The following WWOX variants were observed in gnomAD, a reference collection of about 807,000 sequenced individuals.
WWOX encodes the protein WW domain containing oxidoreductase.
WWOX carries 69 observed loss-of-function variants against 46.2 expected under a neutral mutation model. The ratio of observed to expected loss-of-function variants is 1.49; its 90% CI spans 1.23 to 1.82. WWOX has a LOEUF of 1.82. WWOX is among the 40% of genes most tolerant of loss of function. WWOX has a pLI of 0.00. For missense variants in WWOX, 919 were observed against 542.6 expected (o/e 1.69, Z -6.89); for synonymous variants, 359 against 202.6 (o/e 1.77, Z -6.56).
intron 8 of WWOX, among the ~76,000 whole-genome samples, chr16:78,590,953 T>A (rs753543626): frequency 2.7e-4 from 41 of 152,248 alleles, no homozygotes; most frequent in South Asian, 2.1e-4. Context: ...AGGAGTAATA[T>A]GGCACCTCCT....
intron 8 of WWOX, among the ~76,000 whole-genome samples, chr16:78,463,956 G>A (rs1348991584): frequency 6.6e-6 from 1 of 152,162 alleles, no homozygotes; most frequent in East Asian, 1.9e-4. Context: ...TCCATTAAGT[G>A]AGTCTTTCTC....
intron 5 of WWOX, among the ~76,000 whole-genome samples, chr16:78,358,169 C>G (rs962977940): frequency 1.3e-5 from 2 of 152,156 alleles, no homozygotes. Flanking sequence ...CTTCTCAACA[C>G]ACATTAATCA....
intron 8 of WWOX, among the ~76,000 whole-genome samples, chr16:78,883,083 A>C (rs913811667): frequency 3.3e-5 from 5 of 152,210 alleles, no homozygotes; most frequent in African/African-American, 9.6e-5. Context: ...GAGTGGGCCC[A>C]GGGTCCAGAA....
intron 8 of WWOX, among the ~76,000 whole-genome samples, chr16:78,932,059 C>G (rs1010220735): frequency 6.6e-6 from 1 of 152,228 alleles, no homozygotes; most frequent in Non-Finnish European, 1.5e-5. Flanking sequence ...CCATGTGGAA[C>G]TGTGAGTCCG....
chr16:78,916,286 G>T (rs908123283), intron 8 of WWOX, among the ~76,000 whole-genome samples: 1 of 152,172 alleles, frequency 6.6e-6, no homozygotes, highest in East Asian at 1.9e-4. Flanking sequence ...GGGTATGATG[G>T]ATGGAGACCC....
At chr16:78,125,135 G>A (rs1076514) in intron 4 of WWOX, among the ~76,000 whole-genome samples, 45,494 of 152,070 alleles carry the variant, frequency 0.3, 7,268 homozygotes, top group East Asian at 0.48. Context: ...TGATTATCAT[G>A]TTGTATTACA....
intron 5 of WWOX, among the ~76,000 whole-genome samples, chr16:78,272,046 A>G (rs2079486767): frequency 6.6e-6 from 1 of 152,234 alleles, no homozygotes. Flanking sequence ...TCATCTGTAA[A>G]ACGTGGATGT....
chr16:78,399,182 T>C (rs1597165702), intron 6 of WWOX, among the ~76,000 whole-genome samples: 1 of 152,194 alleles, frequency 6.6e-6, no homozygotes, highest in East Asian at 1.9e-4. Flanking sequence ...ACAGGAAGGA[T>C]GGAACGGAAG....
At position 79,212,393 on chromosome 16, in the gene WWOX, A is replaced by C. The variant is rs1371481784; in HGVS notation, c.*597A>C. ...AATACGCAGAACTACCAGGTGGCAA[A>C]GTACTTGTCATAGACTCCTTTGCTA... On this transcript the variant is annotated 3_prime_UTR_variant, in exon 9 of 9. Transcript: ENST00000566780. 1 of 461,008 alleles carries C rather than the reference A, an allele frequency of 2.2e-6. No individual in the cohort carries two copies. Among genetic ancestry groups the C allele is most frequent in the African/African-American group, 1.9e-5 (1 of 52,052 alleles). The allele number at this position is 461,008 out of a possible 1,614,324, so 28.6% of individuals were successfully genotyped here.
At chr16:78,688,476 C>A (rs2047912256) in intron 8 of WWOX, among the ~76,000 whole-genome samples, 1 of 152,102 alleles carries the variant, frequency 6.6e-6, no homozygotes, top group African/African-American at 2.4e-5. Context: ...TATTAACCCA[C>A]CATATTGAGA....
intron 5 of WWOX, among the ~76,000 whole-genome samples, chr16:78,227,861 G>A (rs191312761): frequency 6.6e-6 from 1 of 152,232 alleles, no homozygotes; most frequent in South Asian, 2.1e-4. Flanking sequence ...GGGTGACAGA[G>A]CGAAACTCTG....
At chr16:79,002,458 G>A (rs1402100365) in intron 8 of WWOX, among the ~76,000 whole-genome samples, 1 of 151,942 alleles carries the variant, frequency 6.6e-6, no homozygotes, top group Non-Finnish European at 1.5e-5. Context: ...CCTGACCTCA[G>A]GTGATCCACC....
chr16:78,904,567 C>T (rs956199029), intron 8 of WWOX, among the ~76,000 whole-genome samples: 1 of 152,062 alleles, frequency 6.6e-6, no homozygotes, highest in African/African-American at 2.4e-5. Context: ...GGCATGGTCA[C>T]TGGAAATGTA....
Position 78,344,753 on chromosome 16 carries a change from C to T in WWOX, c.517-42107C>T, listed in dbSNP as rs2151902183. 1.6e-5 allele frequency among the ~76,000 whole-genome samples: 2 copies of T among 121,780 alleles called. 1 individual carries two copies. The highest frequency in any genetic ancestry group is 4.9e-4 in the South Asian group (2 of 4,048). The allele number at this position is 121,780 out of a possible 152,430, so 79.9% of individuals were successfully genotyped here. On this transcript the variant is annotated intron_variant, in intron 5 of 8. Coordinates refer to ENST00000566780, the MANE Select transcript of WWOX (RefSeq NM_016373.4). ...CATTCCAACTTCCCAAGTCAGTTGC[C>T]ATTTGGCCCTGATAAAGCTGTACTT...
At chr16:78,871,925 C>G (rs578221511) in intron 8 of WWOX, among the ~76,000 whole-genome samples, 3 of 152,290 alleles carry the variant, frequency 2.0e-5, no homozygotes, top group African/African-American at 7.2e-5. Context: ...TTTCTGGCCC[C>G]TCAACCTGTT....
chr16:79,107,194 G>A (rs2049328119), intron 8 of WWOX, among the ~76,000 whole-genome samples: 1 of 151,976 alleles, frequency 6.6e-6, no homozygotes, highest in African/African-American at 2.4e-5. Flanking sequence ...GCCCTTCTCC[G>A]CCTCCCAAAG....
intron 8 of WWOX, among the ~76,000 whole-genome samples, chr16:78,854,281 A>G (rs540367086): frequency 5.3e-5 from 8 of 152,330 alleles, no homozygotes; most frequent in African/African-American, 1.7e-4. Context: ...AGATGTTACT[A>G]TGCAGGTAAC....
chr16:78,295,196 A>T (rs2079924409), intron 5 of WWOX, among the ~76,000 whole-genome samples: 2 of 152,136 alleles, frequency 1.3e-5, no homozygotes, highest in Admixed American at 6.5e-5. Flanking sequence ...ATCATCTACA[A>T]CCCTGCAGAT....
At chr16:79,140,560 G>T (rs1166905580) in intron 8 of WWOX, among the ~76,000 whole-genome samples, 1 of 152,146 alleles carries the variant, frequency 6.6e-6, no homozygotes, top group Admixed American at 6.5e-5. Flanking sequence ...CCTGAACTTT[G>T]CAAACCTCTC....
Sources: allele counts gnomAD v4.1 joint callset (sites outside exome capture counted in the v4.1 genomes callset), GRCh38; gene constraint gnomAD v4.1.1; transcripts MANE v1.5; gene names NCBI Gene and HGNC (gene_info 2026-07-23, HGNC 2026-07-21).